GAB2: variants seen among roughly 807,000 people sequenced by gnomAD.
GAB2 encodes GRB2 associated binding protein 2.
A neutral mutation model predicts 65.5 loss-of-function variants in GAB2; 26 were observed. The ratio of observed to expected loss-of-function variants is 0.40; its 90% CI spans 0.29 to 0.55. The LOEUF (loss-of-function observed/expected upper bound fraction) is 0.55. Among genes scored for constraint, GAB2 ranks in the 20% least tolerant of loss-of-function variants. GAB2 has a pLI of 0.53. For synonymous variants in GAB2, 321 were observed against 329.6 expected (o/e 0.97, Z 0.28); for missense variants, 884 against 875.8 (o/e 1.01, Z -0.12).
Position 78,223,660 on chromosome 11 carries a change from A to G in GAB2, c.1319T>C (p.Val440Ala). The change falls in exon 6 of 10, where the codon GTG becomes GCG. Residue 440 changes from valine (V) to alanine (A), a missense_variant. Val to Ala is a moderately conservative substitution (Grantham distance 64). Coordinates refer to ENST00000361507, the MANE Select transcript of GAB2 (RefSeq NM_080491.3). ...VGSFLPGKMIVGRSDSTNSED... is the reference protein window; with the variant it reads ...VGSFLPGKMIAGRSDSTNSED... The stretch of plus-strand genomic sequence containing the variant: ...AGAATTGGTGCTGTCCGATCGGCCC[A>G]CAATCATTTTCCCTGGCTAGGGAGA... 6.2e-7 allele frequency: 1 copy of G among 1,601,872 alleles called. No homozygotes were observed. The highest frequency in any genetic ancestry group is 8.5e-7 in the Non-Finnish European group (1 of 1,173,680).
intron 1 of GAB2, among the ~76,000 whole-genome samples, chr11:78,368,343 A>G (rs1056927899): frequency 1.3e-5 from 2 of 152,238 alleles, no homozygotes; most frequent in Non-Finnish European, 2.9e-5. Context: ...ACTCTATAAT[A>G]GGCTTGCTAT....
intron 3 of GAB2, among the ~76,000 whole-genome samples, chr11:78,233,386 C>T (rs1318270986): frequency 4.7e-4 from 72 of 151,820 alleles, no homozygotes; most frequent in Non-Finnish European, 3.0e-5. Flanking sequence ...CAGAATCTCA[C>T]TGAGATTTTA....
rs1190330989 is a variant in GAB2 at position 78,215,422 on chromosome 11, C to T, written c.*3850G>A. 1 of 152,526 alleles carries T rather than the reference C, an allele frequency of 6.6e-6. No individual in the cohort carries two copies. Among genetic ancestry groups the T allele is most frequent in the Non-Finnish European group, 1.5e-5 (1 of 68,028 alleles). 9.4% of individuals were successfully genotyped at this position (152,526 alleles called of 1,614,324 possible). On this transcript the variant is annotated 3_prime_UTR_variant, in exon 10 of 10. Coordinates refer to ENST00000361507, the MANE Select transcript of GAB2 (RefSeq NM_080491.3). ...ATGACCCACTTGAACACACTCCTGT[C>T]CCACCCACCGGATAAATATGTTACA...
intron 1 of GAB2, among the ~76,000 whole-genome samples, chr11:78,412,895 G>C (rs1211996101): frequency 6.6e-6 from 1 of 152,200 alleles, no homozygotes; most frequent in East Asian, 1.9e-4. Context: ...AATCCTAAAA[G>C]TCATGGCAGT....
chr11:78,279,285 A>G (rs1866264194), intron 2 of GAB2, among the ~76,000 whole-genome samples: 1 of 152,198 alleles, frequency 6.6e-6, no homozygotes, highest in Non-Finnish European at 1.5e-5. Context: ...TAAAAAAACT[A>G]TTAAGAACTT....
intron 1 of GAB2, among the ~76,000 whole-genome samples, chr11:78,409,010 T>C (rs1291969978): frequency 6.6e-6 from 1 of 152,142 alleles, no homozygotes; most frequent in South Asian, 2.1e-4. Flanking sequence ...CCCAACAATA[T>C]GCCACCTATA....
chr11:78,225,255 A>G, intron 4 of GAB2, 53 bp from the exon 5 acceptor site: 1 of 1,162,898 alleles, frequency 8.6e-7, no homozygotes, highest in Non-Finnish European at 1.3e-6. Flanking sequence ...ATGTGTTGAC[A>G]CTTACCCATA....
intron 1 of GAB2, among the ~76,000 whole-genome samples, chr11:78,324,007 AG>A (rs781287050): frequency 1.3e-5 from 2 of 151,994 alleles, no homozygotes; most frequent in Non-Finnish European, 2.9e-5. Flanking sequence ...CATGTGGGCC[AG>A]GCTGGTCTCA....
intron 1 of GAB2, among the ~76,000 whole-genome samples, chr11:78,352,828 G>A (rs1856299560): frequency 2.0e-5 from 3 of 152,168 alleles, no homozygotes; most frequent in Admixed American, 2.0e-4. Context: ...TTTGCTAAAT[G>A]AATATCAAAG....
rs1865536479 is a variant in GAB2, at chr11:78,254,315, A to G, written c.377-3915T>C. Among the ~76,000 whole-genome samples, 2 of 152,228 alleles carry G rather than the reference A, an allele frequency of 1.3e-5. 1 individual carries two copies. Among genetic ancestry groups the G allele is most frequent in the South Asian group, 4.1e-4 (2 of 4,836 alleles). On this transcript the variant is annotated intron_variant, in intron 2 of 9. Coordinates refer to ENST00000361507, the MANE Select transcript of GAB2 (RefSeq NM_080491.3). ...TTTGTTGACTGATCATACTGAAAAA[A>G]TAAAAGAATTTTCCCTGGCGCAAAA... is the stretch of plus-strand genomic sequence containing the variant.
chr11:78,371,192 TTGTA>T (rs2134728367), intron 1 of GAB2, among the ~76,000 whole-genome samples: 1 of 152,318 alleles, frequency 6.6e-6, no homozygotes, highest in South Asian at 2.1e-4. Flanking sequence ...ACGCATACCC[TTGTA>T]TACAGAATAG....
chr11:78,222,697 C>T (rs1323378477), intron 6 of GAB2, among the ~76,000 whole-genome samples: 3 of 152,014 alleles, frequency 2.0e-5, no homozygotes, highest in Non-Finnish European at 4.4e-5. Flanking sequence ...ATTCTCCTGC[C>T]TCAGCCTCCC....
intron 2 of GAB2, among the ~76,000 whole-genome samples, chr11:78,273,544 A>T (rs1276814167): frequency 6.6e-6 from 1 of 152,232 alleles, no homozygotes; most frequent in Non-Finnish European, 1.5e-5. Flanking sequence ...TCCCCATTGT[A>T]TCTAGGAAAT....
intron 1 of GAB2, among the ~76,000 whole-genome samples, chr11:78,352,151 T>C (rs1272667070): frequency 6.6e-6 from 1 of 152,192 alleles, no homozygotes; most frequent in African/African-American, 2.4e-5. Flanking sequence ...AGGCGGAGGC[T>C]GCAGTAAGCC....
chr11:78,219,458 C>A, intron 9 of GAB2, 43 bp from the exon 10 acceptor site: 1 of 1,594,176 alleles, frequency 6.3e-7, no homozygotes, highest in Non-Finnish European at 8.6e-7. Context: ...TGTGAGTTAC[C>A]AGTTAGGTGG....
At chr11:78,312,692 G>A (rs1376054862) in intron 1 of GAB2, among the ~76,000 whole-genome samples, 1 of 152,156 alleles carries the variant, frequency 6.6e-6, no homozygotes, top group Non-Finnish European at 1.5e-5. Context: ...GCCTCCCAAA[G>A]TGCTGGAATT....
chr11:78,412,382 G>C (rs908530238), intron 1 of GAB2, among the ~76,000 whole-genome samples: 12 of 152,156 alleles, frequency 7.9e-5, no homozygotes, highest in Non-Finnish European at 1.5e-4. Flanking sequence ...TGAATCTCCA[G>C]AGAATTATGC....
At chr11:78,304,709 AC>A (rs1855315494) in intron 1 of GAB2, among the ~76,000 whole-genome samples, 1 of 152,154 alleles carries the variant, frequency 6.6e-6, no homozygotes, top group African/African-American at 2.4e-5. Flanking sequence ...CTGCAGCCTG[AC>A]ATTAAAGTAT....
intron 3 of GAB2, among the ~76,000 whole-genome samples, chr11:78,236,547 T>C (rs186665150): frequency 1.3e-5 from 2 of 152,352 alleles, no homozygotes; most frequent in Admixed American, 1.3e-4. Flanking sequence ...TTGTTTTCAA[T>C]CTTAGGGCAT....
Sources: gnomAD v4.1 joint callset for allele counts (sites outside exome capture counted in the v4.1 genomes callset) on GRCh38, gnomAD v4.1.1 for gene constraint, MANE v1.5 for transcripts, NCBI Gene and HGNC (gene_info 2026-07-23, HGNC 2026-07-21) for gene names.